Variants in WNK2 observed in about 807,000 individuals in gnomAD.
WNK2 encodes the protein WNK lysine deficient protein kinase 2, also known as serine/threonine-protein kinase WNK2.
WNK2 carries 67 observed loss-of-function variants against 192.1 expected under a neutral mutation model. The observed-to-expected ratio is 0.35, with a 90% CI of 0.29 to 0.43. The LOEUF (loss-of-function observed/expected upper bound fraction) is 0.43. Ranked by LOEUF, WNK2 falls within the 20% of genes least tolerant of loss-of-function variation. The pLI is 1.00. For missense variants in WNK2, 2,698 were observed against 3,089.7 expected, an observed-to-expected ratio of 0.87 and a Z score of 3.01; for synonymous variants, 1,439 against 1,393.9, an observed-to-expected ratio of 1.03 and a Z score of -0.72.
intron 2 of WNK2, among the ~76,000 whole-genome samples, chr9:93,214,697 G>T (rs1394378524): frequency 3.7e-5 from 3 of 80,216 alleles, no homozygotes; most frequent in Non-Finnish European, 7.6e-5. Context: ...TGAAGGTAGT[G>T]CCCCCCCCCC....
intron 16 of WNK2, 53 bp from the exon 17 acceptor site, chr9:93,267,693 A>G: frequency 1.3e-6 from 2 of 1,496,126 alleles, no homozygotes; most frequent in African/African-American, 1.4e-5. Flanking sequence ...ATGAAGACCT[A>G]GGGTGGTCTT....
At chr9:93,283,078 A>C (rs779438296) in intron 19 of WNK2, among the ~76,000 whole-genome samples, 1 of 152,234 alleles carries the variant, frequency 6.6e-6, no homozygotes, top group Non-Finnish European at 1.5e-5. Flanking sequence ...AATGGAAACT[A>C]ATAAAACATT....
At chr9:93,262,171 A>G (rs1443272823) in intron 13 of WNK2, 64 bp downstream of exon 13, 1 of 1,505,078 alleles carries the variant, frequency 6.6e-7, no homozygotes, top group East Asian at 2.4e-5. Flanking sequence ...GGATCTGCAT[A>G]GTGACCTGGG....
chr9:93,225,445 G>A (rs570782592), intron 2 of WNK2, among the ~76,000 whole-genome samples: 5 of 152,236 alleles, frequency 3.3e-5, no homozygotes, highest in African/African-American at 4.8e-5. Flanking sequence ...TAAAATAGTC[G>A]TGTGGTGTAG....
chr9:93,307,217 C>T, intron 27 of WNK2: 1 of 207,330 alleles, frequency 4.8e-6, no homozygotes. Context: ...TCTCCTTGGG[C>T]CACTCACCTC....
chr9:93,282,463 G>GA (rs573286231), intron 19 of WNK2, among the ~76,000 whole-genome samples: 1,775 of 126,376 alleles, frequency 0.014, 11 homozygotes, highest in Middle Eastern at 0.026. Context: ...TCTCAAAAGT[G>GA]AAAAAAAAAA....
At chr9:93,306,599 C>T in intron 26 of WNK2, 178 bp from the exon 27 acceptor site, 2 of 731,738 alleles carry the variant, frequency 2.7e-6, no homozygotes, top group South Asian at 3.5e-5. Context: ...TGGGAGCCTG[C>T]ACCCTCTCTC....
At chr9:93,268,217 G>C (rs1845470085) in intron 18 of WNK2, among the ~76,000 whole-genome samples, 152 bp downstream of exon 18, 1 of 152,206 alleles carries the variant, frequency 6.6e-6, no homozygotes, top group Admixed American at 6.5e-5. Flanking sequence ...CCCTGTCCGA[G>C]GAGCTGTCAC....
At chr9:93,271,403 G>A (rs1020179071) in intron 19 of WNK2, among the ~76,000 whole-genome samples, 1 of 152,198 alleles carries the variant, frequency 6.6e-6, no homozygotes, top group Non-Finnish European at 1.5e-5. Context: ...AACTTGCATG[G>A]AAAAAGGTAG....
At chr9:93,213,512 G>A (rs1315932600) in intron 2 of WNK2, among the ~76,000 whole-genome samples, 3 of 152,082 alleles carry the variant, frequency 2.0e-5, no homozygotes, top group East Asian at 1.9e-4. Context: ...AGTCTTGGCC[G>A]GGCATGGTGG....
chr9:93,247,412 C>A lies in WNK2; in HGVS notation c.1543-131C>A. 1.8e-6 allele frequency: 2 copies of A among 1,116,258 alleles called. No homozygotes were observed. Among genetic ancestry groups the A allele is most frequent in the Non-Finnish European group, 2.6e-6 (2 of 773,226 alleles). 69.1% of individuals were successfully genotyped at this position (1,116,258 alleles called of 1,614,324 possible). On this transcript the variant is annotated intron_variant, in intron 7 of 29. Transcript: ENST00000427277. The surrounding 1 kb of genome is among the most constrained non-coding windows in gnomAD (Gnocchi z 5.2). ...CTCTGAGCTGTCCCCGCGGATTTTA[C>A]ATTCAGTGGCAGTGGGATGGCGAGC... is the stretch of plus-strand genomic sequence containing the variant.
chr9:93,213,697 G>A (rs1447951410), intron 2 of WNK2, among the ~76,000 whole-genome samples: 1 of 152,182 alleles, frequency 6.6e-6, no homozygotes, highest in East Asian at 1.9e-4. Flanking sequence ...GCTGAGGCAG[G>A]AGAATCGCTT....
rs141835681 is a variant in WNK2, at chr9:93,259,529, C to A, written c.2981C>A (p.Pro994Gln). 1.5e-4 allele frequency: 240 copies of A among 1,589,626 alleles called. No individual in the cohort carries two copies. The highest frequency in any genetic ancestry group is 2.0e-4 in the Non-Finnish European group (232 of 1,174,068). The change falls in exon 12 of 30, where the codon CCG (proline) becomes CAG (glutamine). Residue 994 changes from proline to glutamine, a missense_variant. Physicochemically the swap from Pro to Gln is moderately conservative, Grantham distance 76 (BLOSUM62 -1). This residue lies in a region of WNK2 where 893 missense variants were observed against 909.0 expected (regional missense o/e 0.98). Transcript: ENST00000427277. The surrounding 1 kb of genome is among the most constrained non-coding windows in gnomAD (Gnocchi z 4.8). ...PMLPPQPVLP[P>Q]QPALPVRPEP... is the part of the protein sequence containing the mutation. The stretch of plus-strand genomic sequence containing the variant: ...CTGCCCCCACAACCTGTGCTGCCCC[C>A]GCAGCCGGCACTGCCTGTGCGCCCT...
At chr9:93,284,466 C>G (rs536398184) in intron 19 of WNK2, among the ~76,000 whole-genome samples, 14 of 151,978 alleles carry the variant, frequency 9.2e-5, no homozygotes, top group African/African-American at 3.1e-4. Flanking sequence ...TTACAAAAAA[C>G]AAACAAAACA....
intron 2 of WNK2, among the ~76,000 whole-genome samples, chr9:93,228,819 G>C (rs903250274): frequency 2.0e-5 from 3 of 152,318 alleles, no homozygotes; most frequent in African/African-American, 7.2e-5. Flanking sequence ...AGGATCCAGG[G>C]GGACTATAGT....
Position 93,320,400 on chromosome 9 carries a change from T to A in WNK2, c.*8T>A. The A allele has an allele frequency of 7.3e-7, 1 of 1,367,688 alleles. No homozygotes were observed. Among genetic ancestry groups the A allele is most frequent in the South Asian group, 1.1e-5 (1 of 88,060 alleles). 84.7% of individuals were successfully genotyped at this position (1,367,688 alleles called of 1,614,324 possible). A position where few individuals can be genotyped will look rare whatever the true frequency, so the allele number is the denominator to read the frequency against. On this transcript the variant is annotated 3_prime_UTR_variant, in exon 30 of 30. Transcript: ENST00000427277. ...AGTGAGAAGCCTGACTGACCCCGCC[T>A]AGACGCCAGGCCCACTTCACGCCGT...
At chr9:93,269,324 T>C (rs1294604581) in intron 19 of WNK2, among the ~76,000 whole-genome samples, 1 of 152,206 alleles carries the variant, frequency 6.6e-6, no homozygotes, top group African/African-American at 2.4e-5. Flanking sequence ...AATTTAAGGT[T>C]TAATTCCTTA....
At chr9:93,298,555 C>G (rs1851026205) in intron 24 of WNK2, among the ~76,000 whole-genome samples, 1 of 152,196 alleles carries the variant, frequency 6.6e-6, no homozygotes, top group Admixed American at 6.5e-5. Context: ...CAGCCACCAG[C>G]CCACGTCCCT....
At chr9:93,271,009 G>A (rs912732508) in intron 19 of WNK2, among the ~76,000 whole-genome samples, 8 of 152,208 alleles carry the variant, frequency 5.3e-5, no homozygotes, top group Non-Finnish European at 1.0e-4. Context: ...CACAGAAAAG[G>A]AGTTTGGGAA....
Sources: gnomAD v4.1 joint callset for allele counts (sites outside exome capture counted in the v4.1 genomes callset) on GRCh38, gnomAD v4.1.1 for gene constraint, gnomAD v4.1.1 regional missense constraint, Gnocchi (gnomAD v3.1) non-coding constraint, MANE v1.5 for transcripts, NCBI Gene and HGNC (gene_info 2026-07-23, HGNC 2026-07-21) for gene names.